LAMB4: variants seen among roughly 807,000 people sequenced by gnomAD.
LAMB4 encodes laminin subunit beta-4.
A neutral mutation model predicts 199.2 loss-of-function variants in LAMB4; 196 were observed. The observed-to-expected ratio is 0.98, with a 90% CI of 0.88 to 1.11. The LOEUF (loss-of-function observed/expected upper bound fraction) is 1.11, where lower values mean the gene tolerates loss of function less well. Among genes scored for constraint, LAMB4 ranks in the 50% least tolerant of loss-of-function variants. The probability of loss-of-function intolerance (pLI) is 0.00; values close to 1 mark genes in which losing one functional copy is unlikely to be tolerated. For synonymous variants in LAMB4, 744 were observed against 770.6 expected, an observed-to-expected ratio of 0.97 and a Z score of 0.57; for missense variants, 2,080 against 2,171.2, an observed-to-expected ratio of 0.96 and a Z score of 0.83.
At chr7:108,125,352 T>C (rs2038742067) in intron 1 of LAMB4, among the ~76,000 whole-genome samples, 1 of 152,222 alleles carries the variant, frequency 6.6e-6, no homozygotes. Context: ...TGCTGTCCTG[T>C]ATTTAGAACT....
chr7:108,059,330 A>G (rs1018993282), intron 23 of LAMB4, among the ~76,000 whole-genome samples: 2 of 151,706 alleles, frequency 1.3e-5, no homozygotes, highest in Admixed American at 6.6e-5. Context: ...ACTTGTTCCC[A>G]TTGTTATGTG....
intron 27 of LAMB4, among the ~76,000 whole-genome samples, chr7:108,049,034 T>A (rs2035742954): frequency 6.6e-6 from 1 of 152,164 alleles, no homozygotes; most frequent in Non-Finnish European, 1.5e-5. Context: ...TTTCTTGTAA[T>A]GAGGCAAGAG....
At chr7:108,052,360 T>A in intron 25 of LAMB4, 103 bp from the exon 26 acceptor site, 1 of 793,796 alleles carries the variant, frequency 1.3e-6, no homozygotes, top group Non-Finnish European at 1.9e-6. Context: ...GAATTCTTGA[T>A]TAGAAGGGAT....
chr7:108,127,328 C>T (rs559634229), intron 1 of LAMB4, among the ~76,000 whole-genome samples: 12 of 152,188 alleles, frequency 7.9e-5, no homozygotes, highest in African/African-American at 2.9e-4. Flanking sequence ...TTGAGACCCA[C>T]TGCATAACCA....
chr7:108,026,786 C>T, intron 33 of LAMB4: 1 of 415,484 alleles, frequency 2.4e-6, no homozygotes, highest in Admixed American at 3.0e-5. Context: ...TACTGGGATC[C>T]AGGGGCTCCT....
At chr7:108,100,744 T>C (rs1469868938) in intron 10 of LAMB4, among the ~76,000 whole-genome samples, 1 of 152,258 alleles carries the variant, frequency 6.6e-6, no homozygotes, top group Non-Finnish European at 1.5e-5. Flanking sequence ...GAGAGCAATT[T>C]AATCTTCTTT....
At chr7:108,046,137 C>T (rs1009787223) in intron 28 of LAMB4, among the ~76,000 whole-genome samples, 2 of 151,862 alleles carry the variant, frequency 1.3e-5, no homozygotes, top group East Asian at 3.9e-4. Flanking sequence ...GGCATGATCT[C>T]GGTTCACTGC....
Position 108,098,282 on chromosome 7 carries a change from G to A in LAMB4, c.1360+121C>T, listed in dbSNP as rs2037692098. 4 of 486,626 alleles carry A rather than the reference G, an allele frequency of 8.2e-6. No individual in the cohort carries two copies. The South Asian group carries it at 1.7e-4, about 20-fold the overall frequency. The allele number at this position is 486,626 out of a possible 1,614,324, so 30.1% of individuals were successfully genotyped here. A position where few individuals can be genotyped will look rare whatever the true frequency, so the allele number is the denominator to read the frequency against. ...TGGGAGGTGGAGGTTGGAGTGAGCC[G>A]AGATTTTGCCACTGTACTCCAGCCT... On this transcript the variant is annotated intron_variant, in intron 11 of 33. Transcript: ENST00000388781.
At chr7:108,015,013 C>T in the LAMB4 span, among the ~76,000 whole-genome samples, 14 of 152,074 alleles carry the variant, frequency 9.2e-5, no homozygotes, top group Admixed American at 1.3e-4. Flanking sequence ...TGAGCCACTG[C>T]GCCCGGCCTA....
At chr7:108,067,832 T>A (rs1480115678) in intron 19 of LAMB4, among the ~76,000 whole-genome samples, 184 bp downstream of exon 19, 1 of 152,218 alleles carries the variant, frequency 6.6e-6, no homozygotes, top group Non-Finnish European at 1.5e-5. Context: ...CAGGGCCCAT[T>A]GATGAATGGA....
At chr7:108,023,412 A>C (rs752545797), downstream of LAMB4, 7 of 152,240 alleles carry the variant, frequency 4.6e-5, no homozygotes, top group Non-Finnish European at 8.8e-5. Flanking sequence ...ACACATTTTA[A>C]AGCAAAAATG....
intron 17 of LAMB4, among the ~76,000 whole-genome samples, chr7:108,072,657 C>G (rs10253744): frequency 0.16 from 24,353 of 152,102 alleles, 3,314 homozygotes; most frequent in African/African-American, 0.37. Context: ...TTGCTTGCTT[C>G]TCTGCATCTC....
At chr7:108,122,140 C>T (rs1446812446) in intron 2 of LAMB4, among the ~76,000 whole-genome samples, 1 of 152,238 alleles carries the variant, frequency 6.6e-6, no homozygotes, top group Non-Finnish European at 1.5e-5. Context: ...CTCTCAGCAA[C>T]TGTGGATCGG....
At chr7:108,078,704 G>C (rs1221808264) in intron 15 of LAMB4, among the ~76,000 whole-genome samples, 1 of 152,160 alleles carries the variant, frequency 6.6e-6, no homozygotes, top group African/African-American at 2.4e-5. Context: ...ATGCAAATTA[G>C]CTTTATTCTG....
intron 11 of LAMB4, 143 bp downstream of exon 11, chr7:108,098,260 G>A (rs573730863): frequency 3.5e-5 from 13 of 368,576 alleles, no homozygotes; most frequent in Non-Finnish European, 5.9e-5. Flanking sequence ...TTGAACCTGG[G>A]AGGTGGAGGT....
chr7:108,049,349 C>A lies in LAMB4; in HGVS notation c.4099G>T (p.Asp1367Tyr). The change falls in exon 27 of 34, where the codon GAT becomes TAT. Residue 1367 changes from aspartate to tyrosine, a missense_variant. Coordinates refer to ENST00000388781, the MANE Select transcript of LAMB4 (RefSeq NM_007356.3). Reference sequence around the variant, plus strand: ...ACCTTTTCATTCAATATTTGGATATCTGGTATCTTAATCTGCTTTAATCTT... The same window carrying A: ...ACCTTTTCATTCAATATTTGGATATATGGTATCTTAATCTGCTTTAATCTT... ...LERLKQIKIP[D>Y]IQILNEKVCG... is the part of the protein sequence containing the mutation. The A allele has an allele frequency of 6.4e-7, 1 of 1,570,828 alleles. No individual in the cohort carries two copies. Among genetic ancestry groups the A allele is most frequent in the South Asian group, 1.1e-5 (1 of 89,236 alleles).
intron 29 of LAMB4, among the ~76,000 whole-genome samples, chr7:108,042,811 T>G (rs1205321344): frequency 6.6e-6 from 1 of 152,148 alleles, no homozygotes; most frequent in African/African-American, 2.4e-5. Flanking sequence ...AATAATGAAG[T>G]GATTGAAGAG....
At position 108,048,072 on chromosome 7, in the gene LAMB4, G is replaced by A. The variant is rs747298345; in HGVS notation, c.4162C>T (p.Pro1388Ser). The A allele has an allele frequency of 8.7e-6, 14 of 1,613,886 alleles. No homozygotes were observed. The Admixed American group carries it at 2.0e-4, about 23-fold the overall frequency. Reference sequence around the variant, plus strand: ...CCCGTGCAGAGAGCACCGCCACAGGGCAAGGGCACACATGGCACATTTCCT... The same window carrying A: ...CCCGTGCAGAGAGCACCGCCACAGGACAAGGGCACACATGGCACATTTCCT... Reference protein sequence around the residue: ...DPGNVPCVPLPCGGALCTGRK... With the variant: ...DPGNVPCVPLSCGGALCTGRK... Residue 1388 changes from proline to serine, a missense_variant, in exon 28 of 34, where the codon CCC becomes TCC. Pro to Ser is a moderately conservative substitution (Grantham distance 74, BLOSUM62 -1). Transcript: ENST00000388781.
At position 108,034,498 on chromosome 7, in the gene LAMB4, C is replaced by A. The variant is rs1584595452; in HGVS notation, c.4680-152G>T. ...AAACAAGAGAAAGTGCTGAAGTCTTCATTTTGAGAAATAGGTATATTTAAA... is the reference window on the plus strand; with the variant it reads ...AAACAAGAGAAAGTGCTGAAGTCTTAATTTTGAGAAATAGGTATATTTAAA... On this transcript the variant is annotated intron_variant, in intron 30 of 33. Coordinates refer to ENST00000388781, the MANE Select transcript of LAMB4 (RefSeq NM_007356.3). 4 of 641,172 alleles carry A rather than the reference C, an allele frequency of 6.2e-6. No homozygotes were observed. In the East Asian group the frequency reaches 1.1e-4, roughly 18 times the overall value. 39.7% of individuals were successfully genotyped at this position (641,172 alleles called of 1,614,324 possible).
Sources: gnomAD v4.1 joint callset for allele counts (sites outside exome capture counted in the v4.1 genomes callset) on GRCh38, gnomAD v4.1.1 for gene constraint, MANE v1.5 for transcripts, NCBI Gene and HGNC (gene_info 2026-07-23, HGNC 2026-07-21) for gene names.